CARS2: variants seen among roughly 807,000 people sequenced by gnomAD.
CARS2 encodes the protein cysteinyl-tRNA synthetase 2, mitochondrial.
In CARS2, 52 loss-of-function variants were observed where a neutral mutation model predicts 68.8. That is an observed-to-expected ratio of 0.76 (90% CI 0.61 to 0.95). The LOEUF (loss-of-function observed/expected upper bound fraction) is 0.95. Among genes scored for constraint, CARS2 ranks in the 40% least tolerant of loss-of-function variants. CARS2 has a pLI of 0.00. For missense variants in CARS2, 780 were observed against 754.2 expected (o/e 1.03, Z -0.40); for synonymous variants, 314 against 303.6 (o/e 1.03, Z -0.36).
At chr13:110,711,506 G>T (rs896786435) in intron 1 of CARS2, among the ~76,000 whole-genome samples, 3 of 152,218 alleles carry the variant, frequency 2.0e-5, no homozygotes, top group African/African-American at 7.2e-5. Flanking sequence ...GAGCCACCGC[G>T]TCCGGCCAAG....
chr13:110,643,101 C>T, intron 13 of CARS2: 1 of 274,570 alleles, frequency 3.6e-6, no homozygotes, highest in Non-Finnish European at 7.2e-6. Context: ...TGGTGTCAAA[C>T]TACTTAAACC....
chr13:110,662,646 A>G (rs1014289269), intron 9 of CARS2, among the ~76,000 whole-genome samples: 2 of 152,156 alleles, frequency 1.3e-5, no homozygotes, highest in African/African-American at 4.8e-5. Context: ...CATCACAACT[A>G]CTGAATCTGG....
At chr13:110,664,977 A>AG in intron 8 of CARS2, 1 of 983,420 alleles carries the variant, frequency 1.0e-6, no homozygotes, top group South Asian at 4.7e-5. Flanking sequence ...TGGCTATAGC[A>AG]GCCCTAACAG....
In CARS2 at chr13:110,669,993, C is replaced by T. The variant is rs535205058; in HGVS notation, c.786-2520G>A. ...CAGCAGTCTGAGATGAACTGCAAGG[C>T]GGCAGCGAGGCTGGGGGAGGGGCAT... On this transcript the variant is annotated intron_variant, in intron 7 of 14. Transcript: ENST00000257347. Among the ~76,000 whole-genome samples the T allele has an allele frequency of 2.2e-3, 334 of 152,304 alleles. 1 individual carries two copies. The highest frequency in any genetic ancestry group is 7.2e-3 in the African/African-American group (298 of 41,566).
At chr13:110,667,255 G>T in intron 8 of CARS2, 85 bp downstream of exon 8, 1 of 1,235,272 alleles carries the variant, frequency 8.1e-7, no homozygotes, top group Non-Finnish European at 1.1e-6. Context: ...GATCTACTAT[G>T]TATTTCCAAA....
At chr13:110,647,285 GC>G in intron 10 of CARS2, 46 bp from the exon 11 acceptor site, 1 of 1,588,994 alleles carries the variant, frequency 6.3e-7, no homozygotes. Flanking sequence ...ACCATGCTGT[GC>G]CCCTGCCCTG....
Position 110,641,567 on chromosome 13 carries a change from T to C in CARS2, c.1665A>G (p.Gln555=). ...STTSTWELLD[Q]RTKDQKSAG ...CCGCTGATTTTTGGTCTTTTGTCCT[T>C]TGATCCAGCAGTTCCCACGTGGATG... is the stretch of plus-strand genomic sequence containing the variant. The change falls in exon 15 of 15, where the codon CAA becomes CAG. Residue 555 remains glutamine, a synonymous_variant. Transcript: ENST00000257347. The C allele has an allele frequency of 6.2e-7, 1 of 1,614,150 alleles. No individual in the cohort carries two copies. Among genetic ancestry groups the C allele is most frequent in the Non-Finnish European group, 8.5e-7 (1 of 1,179,998 alleles).
At chr13:110,646,914 T>C in intron 11 of CARS2, 187 bp downstream of exon 11, 1 of 645,426 alleles carries the variant, frequency 1.5e-6, no homozygotes, top group Non-Finnish European at 2.5e-6. Flanking sequence ...GGGGAGCCCC[T>C]GACCCCACAC....
At chr13:110,666,452 G>C (rs2062650866) in intron 8 of CARS2, 1 of 985,246 alleles carries the variant, frequency 1.0e-6, no homozygotes, top group Non-Finnish European at 1.2e-6. Flanking sequence ...AGACATAGTA[G>C]GTAATGGTAG....
chr13:110,656,841 G>A (rs1421507896), intron 9 of CARS2, among the ~76,000 whole-genome samples: 1 of 151,426 alleles, frequency 6.6e-6, no homozygotes, highest in African/African-American at 2.4e-5. Flanking sequence ...CCAAGATTGT[G>A]CCACTGCACT....
chr13:110,695,858 A>G (rs189345947), intron 3 of CARS2, among the ~76,000 whole-genome samples: 33 of 151,526 alleles, frequency 2.2e-4, no homozygotes, highest in Admixed American at 1.8e-3. Flanking sequence ...TACACGTGCC[A>G]TGGTGGTTTG....
At chr13:110,663,715 G>A in intron 8 of CARS2, 197 bp from the exon 9 acceptor site, 2 of 1,371,916 alleles carry the variant, frequency 1.5e-6, no homozygotes, top group Admixed American at 3.5e-5. Flanking sequence ...CTTGTTCCAC[G>A]GTGCAGGGAC....
At position 110,687,936 on chromosome 13, in the gene CARS2, C is replaced by G. The variant is rs1027012886; in HGVS notation, c.465+11G>C. On this transcript the variant is annotated intron_variant, in intron 4 of 14. Coordinates refer to ENST00000257347, the MANE Select transcript of CARS2 (RefSeq NM_024537.4). ...ACCCTCATGGCAGGAACAACCAGCCCCACACTTTACCTTCAGGGCTGCCAT... is the reference window on the plus strand; with the variant it reads ...ACCCTCATGGCAGGAACAACCAGCCGCACACTTTACCTTCAGGGCTGCCAT... The G allele has an allele frequency of 1.9e-6, 3 of 1,610,752 alleles. No homozygotes were observed. The highest frequency in any genetic ancestry group is 2.5e-6 in the Non-Finnish European group (3 of 1,177,324).
In CARS2 at chr13:110,676,536, G is replaced by A. The variant is rs2062955009; in HGVS notation, c.785+438C>T. The stretch of plus-strand genomic sequence containing the variant: ...GGGGGACTCCAGGAAGATCTGGGAG[G>A]AGCTGGAGATTTCCGCCACAGAGCA... On this transcript the variant is annotated intron_variant, in intron 7 of 14. Coordinates refer to ENST00000257347, the MANE Select transcript of CARS2 (RefSeq NM_024537.4). This position sits in a 1 kb window ranked among gnomAD's most constrained non-coding sequence, Gnocchi z 4.0. Among the ~76,000 whole-genome samples, 1 of 152,158 alleles carries A rather than the reference G, an allele frequency of 6.6e-6. No individual in the cohort carries two copies. The highest frequency in any genetic ancestry group is 2.4e-5 in the African/African-American group (1 of 41,444).
intron 3 of CARS2, chr13:110,689,001 C>G (rs575039683): frequency 6.5e-6 from 1 of 154,236 alleles, no homozygotes; most frequent in African/African-American, 2.4e-5. Context: ...TAATGGAGTA[C>G]TCATTCCCTC....
exon 1 of CARS2, chr13:110,713,137 G>T (rs1338335889): frequency 4.2e-6 from 6 of 1,429,712 alleles, no homozygotes; most frequent in African/African-American, 1.4e-5. Context: ...CATTACTCAC[G>T]GTCTCCCCGC....
At chr13:110,706,709 C>A (rs571500011), upstream of CARS2, among the ~76,000 whole-genome samples, 1 of 151,444 alleles carries the variant, frequency 6.6e-6, no homozygotes, top group East Asian at 2.0e-4. Flanking sequence ...CAATGTGCAA[C>A]CCAACACACA....
Position 110,712,632 on chromosome 13 carries a change from G to GGGGCGACGCGGGGGA in CARS2, n.399+490_399+504dup, listed in dbSNP as rs1404760538. 5.4e-5 allele frequency: 30 copies of GGGGCGACGCGGGGGA among 551,470 alleles called. No individual in the cohort carries two copies. The East Asian group carries it at 9.3e-4, about 17-fold the overall frequency. The allele number at this position is 551,470 out of a possible 1,614,324, so 34.2% of individuals were successfully genotyped here. A position where few individuals can be genotyped will look rare whatever the true frequency, so the allele number is the denominator to read the frequency against. On this transcript the variant is annotated intron_variant and non_coding_transcript_variant, in intron 1 of 2. Coordinates refer to the CARS2 transcript ENST00000485188. ...AATCCGGGAGCTTTGGGAGGGTAGA[G>GGGGCGACGCGGGGGA]GGGCGACGCGGGGGAGGGCGGTCCG...
intron 13 of CARS2, chr13:110,642,882 C>CT: frequency 2.0e-6 from 1 of 498,468 alleles, no homozygotes; most frequent in South Asian, 1.8e-5. Flanking sequence ...GAGGATGAGG[C>CT]TGGGGGGCAG....
Sources: allele counts gnomAD v4.1 joint callset (sites outside exome capture counted in the v4.1 genomes callset), GRCh38; gene constraint gnomAD v4.1.1; non-coding constraint Gnocchi (gnomAD v3.1); transcripts MANE v1.5; gene names NCBI Gene and HGNC (gene_info 2026-07-23, HGNC 2026-07-21).